Variants in TXNDC15 observed in about 807,000 individuals in gnomAD.
TXNDC15 encodes thioredoxin domain containing 15.
A neutral mutation model predicts 35.0 loss-of-function variants in TXNDC15; 24 were observed. The observed-to-expected ratio is 0.68, with a 90% CI of 0.50 to 0.96. TXNDC15 has a LOEUF of 0.96. Ranked by LOEUF, TXNDC15 falls within the 40% of genes least tolerant of loss-of-function variation. TXNDC15 has a pLI of 0.00. For synonymous variants in TXNDC15, 169 were observed against 174.0 expected (o/e 0.97, Z 0.23); for missense variants, 385 against 453.3 (o/e 0.85, Z 1.37).
chr5:134,889,426 G>T (rs904967900), intron 2 of TXNDC15, among the ~76,000 whole-genome samples: 2 of 152,180 alleles, frequency 1.3e-5, no homozygotes, highest in Non-Finnish European at 2.9e-5. Context: ...GTTTTACCAC[G>T]TTGGCCAGGC....
intron 1 of TXNDC15, among the ~76,000 whole-genome samples, chr5:134,881,811 G>A (rs954677737): frequency 4.7e-5 from 7 of 150,246 alleles, no homozygotes; most frequent in Admixed American, 2.0e-4. Context: ...CTGGCCGGGC[G>A]GGGGGCTGAC....
At chr5:134,889,782 T>C (rs1363926112) in intron 2 of TXNDC15, among the ~76,000 whole-genome samples, 1 of 152,238 alleles carries the variant, frequency 6.6e-6, no homozygotes, top group African/African-American at 2.4e-5. Flanking sequence ...TATCGCAGTG[T>C]AGCAAATCAC....
chr5:134,896,521 T>G, intron 4 of TXNDC15, 97 bp downstream of exon 4: 1 of 1,478,754 alleles, frequency 6.8e-7, no homozygotes, highest in Non-Finnish European at 9.2e-7. Context: ...AAGTGAAGGA[T>G]TCAAGACTGA....
chr5:134,893,166 A>G (rs1750421677), intron 2 of TXNDC15: 1 of 201,630 alleles, frequency 5.0e-6, no homozygotes, highest in South Asian at 1.2e-4. Context: ...AAAATGAGGT[A>G]TGCCTGTATT....
intron 2 of TXNDC15, chr5:134,892,184 A>G (rs1750402727): frequency 6.7e-6 from 1 of 150,272 alleles, no homozygotes; most frequent in Admixed American, 6.6e-5. Flanking sequence ...TTCCCCATTG[A>G]TCTTTGATGT....
chr5:134,876,359 G>A (rs1403220611), intron 1 of TXNDC15, among the ~76,000 whole-genome samples: 1 of 152,154 alleles, frequency 6.6e-6, no homozygotes, highest in Non-Finnish European at 1.5e-5. Context: ...GGCTGGCTTT[G>A]CCCCCGGTGG....
chr5:134,874,838 A>T (rs1038582307), intron 1 of TXNDC15, among the ~76,000 whole-genome samples: 3 of 152,252 alleles, frequency 2.0e-5, no homozygotes, highest in African/African-American at 7.2e-5. Flanking sequence ...CCCTCTGGTG[A>T]TAAGCAATTT....
Position 134,888,180 on chromosome 5 carries a change from C to A in TXNDC15, c.589C>A (p.Gln197Lys). ...CACTCTGAAAATTTTAAATATGTCA[C>A]AGGTAAGGAAAAATTATTTAGTGCT... The part of the protein sequence containing the change: ...NFTLKILNMS[Q>K]DLMDFLNPNG... The change falls in exon 2 of 5, where the codon CAG (glutamine) becomes AAG (lysine). Residue 197 changes from glutamine to lysine, a missense_variant and splice_region_variant. Coordinates refer to ENST00000358387, the MANE Select transcript of TXNDC15 (RefSeq NM_024715.4). The A allele has an allele frequency of 6.3e-7, 1 of 1,598,710 alleles. No homozygotes were observed. The highest frequency in any genetic ancestry group is 1.1e-5 in the South Asian group (1 of 89,538).
chr5:134,884,179 C>T (rs1370014607), intron 1 of TXNDC15, among the ~76,000 whole-genome samples: 2 of 144,582 alleles, frequency 1.4e-5, no homozygotes, highest in Non-Finnish European at 3.0e-5. Context: ...GAGATTGTGC[C>T]ACTGCACTCC....
chr5:134,887,672 C>G, intron 1 of TXNDC15, 23 bp from the exon 2 acceptor site: 12 of 1,538,788 alleles, frequency 7.8e-6, no homozygotes, highest in Non-Finnish European at 1.1e-5. Flanking sequence ...AAATATGACT[C>G]TGAATGTGCT....
chr5:134,875,938 G>A (rs374987252), intron 1 of TXNDC15, among the ~76,000 whole-genome samples: 45 of 152,286 alleles, frequency 3.0e-4, no homozygotes, highest in African/African-American at 1.0e-3. Context: ...CCAGAGTGCT[G>A]GGATTACAGG....
In TXNDC15 at chr5:134,887,152, C is replaced by A. The variant is rs1750291314; in HGVS notation, c.104-543C>A. 2.0e-5 allele frequency among the ~76,000 whole-genome samples: 3 copies of A among 152,130 alleles called. No homozygotes were observed. In the South Asian group the frequency reaches 6.2e-4, roughly 32 times the overall value. ...GTTTAGGGCAGAGCTGTGTGTTTGT[C>A]TATTATTTGACATTCATTATTTTGT... is the stretch of plus-strand genomic sequence containing the variant. On this transcript the variant is annotated intron_variant, in intron 1 of 4. Coordinates refer to ENST00000358387, the MANE Select transcript of TXNDC15 (RefSeq NM_024715.4).
intron 1 of TXNDC15, among the ~76,000 whole-genome samples, chr5:134,883,254 G>A (rs904842860): frequency 2.6e-5 from 4 of 151,062 alleles, no homozygotes; most frequent in African/African-American, 7.3e-5. Context: ...ATGAAACCCC[G>A]TCTCTACTAA....
intron 3 of TXNDC15, among the ~76,000 whole-genome samples, chr5:134,895,039 A>G (rs139981194): frequency 1.2e-4 from 18 of 151,914 alleles, no homozygotes; most frequent in Non-Finnish European, 1.3e-4. Flanking sequence ...TTGACTGAGG[A>G]TGGTGGCACA....
chr5:134,882,537 C>T lies in TXNDC15; in HGVS notation c.104-5158C>T, dbSNP rs566769303. 7.2e-4 allele frequency among the ~76,000 whole-genome samples: 109 copies of T among 152,368 alleles called. 1 individual carries two copies. The highest frequency in any genetic ancestry group is 1.7e-3 in the African/African-American group (70 of 41,592). Reference sequence around the variant, plus strand: ...AGCGAGCCGAGATCACGCCACTGCACTCCAGCCTGGGCACCATTGAGCACT... The same window carrying T: ...AGCGAGCCGAGATCACGCCACTGCATTCCAGCCTGGGCACCATTGAGCACT... On this transcript the variant is annotated intron_variant, in intron 1 of 4. Transcript: ENST00000358387.
At chr5:134,893,385 C>T in intron 2 of TXNDC15, 107 bp from the exon 3 acceptor site, 1 of 1,368,958 alleles carries the variant, frequency 7.3e-7, no homozygotes, top group Non-Finnish European at 1.0e-6. Flanking sequence ...GCTGCTCCTA[C>T]CCACCCGTTC....
In TXNDC15 at chr5:134,900,799, T is replaced by C. The variant is rs1750585820; in HGVS notation, c.*1114T>C. 6.6e-6 allele frequency: 1 copy of C among 152,304 alleles called. No homozygotes were observed. The highest frequency in any genetic ancestry group is 1.5e-5 in the Non-Finnish European group (1 of 68,150). 9.4% of individuals were successfully genotyped at this position (152,304 alleles called of 1,614,324 possible). ...CATGTAATTTAAACAAACTTTTTTT[T>C]TTTTTTTAGACAAAGTCTCACTCTG... On this transcript the variant is annotated 3_prime_UTR_variant, in exon 5 of 5. Coordinates refer to ENST00000358387, the MANE Select transcript of TXNDC15 (RefSeq NM_024715.4).
chr5:134,886,862 C>T (rs976197639), intron 1 of TXNDC15, among the ~76,000 whole-genome samples: 8 of 152,228 alleles, frequency 5.3e-5, no homozygotes, highest in African/African-American at 1.9e-4. Context: ...TACCATCGGA[C>T]ACTGTGCTGA....
intron 2 of TXNDC15, among the ~76,000 whole-genome samples, chr5:134,888,756 A>G (rs1195131695): frequency 6.6e-6 from 1 of 152,210 alleles, no homozygotes; most frequent in Non-Finnish European, 1.5e-5. Flanking sequence ...TGCTGGGATT[A>G]CAGGTGTGAG....
Sources: gnomAD v4.1 joint callset for allele counts (sites outside exome capture counted in the v4.1 genomes callset) on GRCh38, gnomAD v4.1.1 for gene constraint, MANE v1.5 for transcripts, NCBI Gene and HGNC (gene_info 2026-07-23, HGNC 2026-07-21) for gene names.